TTYH3: variants seen among roughly 807,000 people sequenced by gnomAD.
TTYH3 encodes the protein tweety family member 3, also known as protein tweety homolog 3.
A neutral mutation model predicts 68.2 loss-of-function variants in TTYH3; 23 were observed. That is an observed-to-expected ratio of 0.34 (90% CI 0.24 to 0.48). TTYH3 has a LOEUF of 0.48. Ranked by LOEUF, TTYH3 falls within the 20% of genes least tolerant of loss-of-function variation. TTYH3 has a pLI of 0.99. For synonymous variants in TTYH3, 360 were observed against 332.8 expected (o/e 1.08, Z -0.89); for missense variants, 768 against 727.7 (o/e 1.06, Z -0.64).
rs780791985 is a variant in TTYH3 at position 2,660,066 on chromosome 7, C to T, written c.1500+1051C>T. The T allele has an allele frequency of 8.1e-5, 105 of 1,294,404 alleles. 1 individual carries two copies. The highest frequency in any genetic ancestry group is 5.5e-4 in the African/African-American group (36 of 65,834). The allele number at this position is 1,294,404 out of a possible 1,614,324, so 80.2% of individuals were successfully genotyped here. ...GTACTGACCCACCGGTCCCCCATCCCGCACGGCCACCCGCCTGCGCCTCCC... is the reference window on the plus strand; with the variant it reads ...GTACTGACCCACCGGTCCCCCATCCTGCACGGCCACCCGCCTGCGCCTCCC... On this transcript the variant is annotated intron_variant, in intron 13 of 13. Transcript: ENST00000258796.
chr7:2,646,801 G>C, intron 1 of TTYH3, 52 bp from the exon 2 acceptor site: 1 of 1,547,410 alleles, frequency 6.5e-7, no homozygotes, highest in Non-Finnish European at 8.7e-7. Flanking sequence ...CGGGGCGTGG[G>C]ACTCTGAGCT....
At position 2,658,421 on chromosome 7, in the gene TTYH3, G is replaced by A. The variant is rs115633013; in HGVS notation, c.1386G>A (p.Ala462=). The change falls in exon 12 of 14, where the codon GCG becomes GCA. Residue 462 remains alanine (A), a synonymous_variant. Transcript: ENST00000258796. ...SYGSETSIPA[A]AHTVSNAPVT... Reference sequence around the variant, plus strand: ...GCAGTGAGACCAGCATCCCGGCCGCGGCCCACACCGTCAGCAACGCCCCGG... The same window carrying A: ...GCAGTGAGACCAGCATCCCGGCCGCAGCCCACACCGTCAGCAACGCCCCGG... 2.6e-3 allele frequency: 4,190 copies of A among 1,612,236 alleles called. 79 individuals are homozygous for A. In the African/African-American group the frequency reaches 0.05, roughly 19 times the overall value.
At chr7:2,642,105 A>G (rs1028161867) in intron 1 of TTYH3, among the ~76,000 whole-genome samples, 1 of 152,246 alleles carries the variant, frequency 6.6e-6, no homozygotes, top group African/African-American at 2.4e-5. Context: ...GAACAAGAGA[A>G]AGCTGCCTCA....
Position 2,647,543 on chromosome 7 carries a change from G to A in TTYH3, c.531G>A (p.Thr177=), listed in dbSNP as rs1583565519. 1.3e-6 allele frequency: 2 copies of A among 1,555,136 alleles called. No individual in the cohort carries two copies. Among genetic ancestry groups the A allele is most frequent in the Non-Finnish European group, 1.7e-6 (2 of 1,150,828 alleles). The change falls in exon 4 of 14, where the codon ACG becomes ACA. Residue 177 remains threonine, a synonymous_variant. Transcript: ENST00000258796. ...AGAGGCTGCAGGGCCTGCTGGAGAC[G>A]CTGCTGGGCTACACGGCCGCCATCC... ...AVQRLQGLLE[T]LLGYTAAIPF... is the part of the protein sequence containing the mutation.
In TTYH3 at chr7:2,647,367, C is replaced by G. The variant is rs752354693; in HGVS notation, c.406-51C>G. On this transcript the variant is annotated intron_variant, in intron 3 of 13. Coordinates refer to ENST00000258796, the MANE Select transcript of TTYH3 (RefSeq NM_025250.3). ...GGGCTGTGCAGGAGGGGCCCAGACT[C>G]TGGGGCGAGGCGGGCGCGCTCCCAG... The G allele has an allele frequency of 3.1e-5, 46 of 1,467,840 alleles. 1 individual carries two copies. In the South Asian group the frequency reaches 5.6e-4, roughly 18 times the overall value. The allele number at this position is 1,467,840 out of a possible 1,614,324, so 90.9% of individuals were successfully genotyped here. A position where few individuals can be genotyped will look rare whatever the true frequency, so the allele number is the denominator to read the frequency against.
At chr7:2,646,740 A>T (rs1583564106) in intron 1 of TTYH3, 113 bp from the exon 2 acceptor site, 5 of 1,210,746 alleles carry the variant, frequency 4.1e-6, no homozygotes, top group Non-Finnish European at 4.5e-6. Context: ...CCCACCTCCC[A>T]GGGCTGGGGG....
rs1333707255 is a variant in TTYH3, at chr7:2,652,046, CAG to C, written c.872-140_872-139del. ...ATGCAGACACATGCACATGTGTAAA[CAG>C]GTGCACACAGACACACATGCACACA... On this transcript the variant is annotated intron_variant, in intron 7 of 13. Coordinates refer to ENST00000258796, the MANE Select transcript of TTYH3 (RefSeq NM_025250.3). 13 of 709,184 alleles carry C rather than the reference CAG, an allele frequency of 1.8e-5. No homozygotes were observed. The East Asian group carries it at 3.2e-4, about 18-fold the overall frequency. 43.9% of individuals were successfully genotyped at this position (709,184 alleles called of 1,614,324 possible).
intron 13 of TTYH3, chr7:2,660,449 C>T: frequency 1.0e-6 from 1 of 985,452 alleles, no homozygotes; most frequent in Non-Finnish European, 1.2e-6. Flanking sequence ...TGCACACGGA[C>T]AGGCACGTGC....
Position 2,645,610 on chromosome 7 carries a change from G to A in TTYH3, c.124-1243G>A, listed in dbSNP as rs1785957953. On this transcript the variant is annotated intron_variant, in intron 1 of 13. Coordinates refer to ENST00000258796, the MANE Select transcript of TTYH3 (RefSeq NM_025250.3). The surrounding 1 kb of genome is among the most constrained non-coding windows in gnomAD (Gnocchi z 4.8). ...CAGACAGGGCTGTGTGTCCGATGGGGCGCCTGTATGCAGCCTGTAGCAGTG... is the reference window on the plus strand; with the variant it reads ...CAGACAGGGCTGTGTGTCCGATGGGACGCCTGTATGCAGCCTGTAGCAGTG... 2.8e-6 allele frequency: 1 copy of A among 358,510 alleles called. No individual in the cohort carries two copies. The highest frequency in any genetic ancestry group is 2.1e-5 in the African/African-American group (1 of 46,580). The allele number at this position is 358,510 out of a possible 1,614,324, so 22.2% of individuals were successfully genotyped here. A position where few individuals can be genotyped will look rare whatever the true frequency, so the allele number is the denominator to read the frequency against.
At chr7:2,639,398 C>G (rs978381115) in intron 1 of TTYH3, among the ~76,000 whole-genome samples, 2 of 152,210 alleles carry the variant, frequency 1.3e-5, no homozygotes, top group African/African-American at 4.8e-5. Flanking sequence ...TGTTGCGGTA[C>G]CCACGATGCT....
chr7:2,660,118 C>A, intron 13 of TTYH3: 1 of 1,236,300 alleles, frequency 8.1e-7, no homozygotes, highest in Non-Finnish European at 1.1e-6. Context: ...CACTGCCGCC[C>A]TCCCGTCGGC....
intron 10 of TTYH3, 101 bp downstream of exon 10, chr7:2,656,285 T>C: frequency 6.4e-7 from 1 of 1,564,756 alleles, no homozygotes; most frequent in Non-Finnish European, 8.7e-7. Flanking sequence ...CAGTGGGTCC[T>C]CAGCCCTGCC....
chr7:2,646,701 C>A, intron 1 of TTYH3, 152 bp from the exon 2 acceptor site: 1 of 827,188 alleles, frequency 1.2e-6, no homozygotes, highest in Non-Finnish European at 1.9e-6. Flanking sequence ...TGGGAGACTC[C>A]ATGCCTCACC....
At chr7:2,638,522 G>A (rs1025202097) in intron 1 of TTYH3, among the ~76,000 whole-genome samples, 14 of 152,098 alleles carry the variant, frequency 9.2e-5, no homozygotes, top group East Asian at 5.8e-4. Flanking sequence ...GGGCCAGCCC[G>A]GAGGGAGCCC....
chr7:2,633,564 G>T (rs1180044071), intron 1 of TTYH3, among the ~76,000 whole-genome samples: 1 of 152,242 alleles, frequency 6.6e-6, no homozygotes, highest in Admixed American at 6.5e-5. Flanking sequence ...TCACGCCTGC[G>T]TTCTAGAAGC....
At position 2,661,877 on chromosome 7, in the gene TTYH3, C is replaced by G; in HGVS notation, c.*138C>G. 3 of 889,088 alleles carry G rather than the reference C, an allele frequency of 3.4e-6. No individual in the cohort carries two copies. The highest frequency in any genetic ancestry group is 5.2e-6 in the Non-Finnish European group (3 of 573,648). The allele number at this position is 889,088 out of a possible 1,614,324, so 55.1% of individuals were successfully genotyped here. A position where few individuals can be genotyped will look rare whatever the true frequency, so the allele number is the denominator to read the frequency against. On this transcript the variant is annotated 3_prime_UTR_variant, in exon 14 of 14. Coordinates refer to ENST00000258796, the MANE Select transcript of TTYH3 (RefSeq NM_025250.3). ...CAGACGCGTCTGCAGGCCGCTTGCCCTCCTGTCCCCTCCCCGCAGGGGCAC... is the reference window on the plus strand; with the variant it reads ...CAGACGCGTCTGCAGGCCGCTTGCCGTCCTGTCCCCTCCCCGCAGGGGCAC...
chr7:2,633,421 G>T (rs372372336), intron 1 of TTYH3, among the ~76,000 whole-genome samples: 4 of 152,042 alleles, frequency 2.6e-5, no homozygotes, highest in African/African-American at 9.7e-5. Flanking sequence ...TCCCAGCCTC[G>T]CGCTCACTTG....
intron 1 of TTYH3, 30 bp downstream of exon 1, chr7:2,632,308 C>T: frequency 6.5e-7 from 1 of 1,531,434 alleles, no homozygotes; most frequent in Non-Finnish European, 8.8e-7. Flanking sequence ...GTCGCGGGGT[C>T]AGGGACCCCA....
intron 1 of TTYH3, among the ~76,000 whole-genome samples, chr7:2,635,835 T>C (rs889225695): frequency 3.3e-5 from 5 of 152,208 alleles, no homozygotes; most frequent in Non-Finnish European, 5.9e-5. Context: ...GAGACCTTAA[T>C]GATAAGACTG....
Sources: allele counts gnomAD v4.1 joint callset (sites outside exome capture counted in the v4.1 genomes callset), GRCh38; gene constraint gnomAD v4.1.1; non-coding constraint Gnocchi (gnomAD v3.1); transcripts MANE v1.5; gene names NCBI Gene and HGNC (gene_info 2026-07-23, HGNC 2026-07-21).